TP53BP2: variants seen among roughly 807,000 people sequenced by gnomAD.
TP53BP2 encodes the protein tumor protein p53 binding protein 2, also known as apoptosis-stimulating of p53 protein 2.
TP53BP2 carries 62 observed loss-of-function variants against 126.2 expected under a neutral mutation model. The observed-to-expected ratio is 0.49, with a 90% CI of 0.40 to 0.61. The LOEUF is 0.61. Among genes scored for constraint, TP53BP2 ranks in the 20% least tolerant of loss-of-function variants. The pLI is 0.00. For missense variants in TP53BP2, 1,215 were observed against 1,402.8 expected, an observed-to-expected ratio of 0.87 and a Z score of 2.14; for synonymous variants, 485 against 502.9, an observed-to-expected ratio of 0.96 and a Z score of 0.48.
chr1:223,794,548 G>A (rs1662256283), intron 13 of TP53BP2, among the ~76,000 whole-genome samples: 1 of 152,326 alleles, frequency 6.6e-6, no homozygotes, highest in South Asian at 2.1e-4. Context: ...TAAAAAGAAA[G>A]TATAATACTT....
chr1:223,845,639 C>T lies in TP53BP2; in HGVS notation c.27+15G>A. The T allele has an allele frequency of 1.3e-6, 2 of 1,551,268 alleles. No individual in the cohort carries two copies. Among genetic ancestry groups the T allele is most frequent in the Middle Eastern group, 1.7e-4 (1 of 5,874 alleles). On this transcript the variant is annotated intron_variant, in intron 1 of 17. Coordinates refer to ENST00000343537, the MANE Select transcript of TP53BP2 (RefSeq NM_001031685.3). ...ACACTTCCGGGCCCGACGCCCTGGC[C>T]GCTCGCCCACTTACCGGCATCATCT...
At chr1:223,785,666 C>T (rs6694214) in intron 16 of TP53BP2, among the ~76,000 whole-genome samples, 16,377 of 152,196 alleles carry the variant, frequency 0.11, 1,093 homozygotes, top group East Asian at 0.2. Context: ...GGATTACAGG[C>T]ATGAGCCACT....
In TP53BP2 at chr1:223,802,886, T is replaced by C. The variant is rs761177045; in HGVS notation, c.841A>G (p.Lys281Glu). 4 of 1,614,012 alleles carry C rather than the reference T, an allele frequency of 2.5e-6. No individual in the cohort carries two copies. Among genetic ancestry groups the C allele is most frequent in the Non-Finnish European group, 2.5e-6 (3 of 1,180,034 alleles). Residue 281 changes from lysine to glutamate, a missense_variant, in exon 8 of 18, where the codon AAA (lysine) becomes GAA (glutamate). By Grantham distance (56) the Lys-to-Glu change is moderately conservative. Around this residue, in one of 4 missense-constraint regions of TP53BP2, gnomAD observed 814 missense variants for 853.0 expected, o/e 0.95. Transcript: ENST00000343537. ...RLYKELQLRN[K>E]LNQEQNAKLQ... ...TTGGCATTCTGCTCTTGATTCAATT[T>C]GTTTCTTAGCTGAATAAAAGAGAGG...
At chr1:223,844,672 A>T (rs1160146699) in intron 1 of TP53BP2, among the ~76,000 whole-genome samples, 1 of 152,182 alleles carries the variant, frequency 6.6e-6, no homozygotes, top group Admixed American at 6.5e-5. Flanking sequence ...ACCCAGTGAG[A>T]GTTTGGGACG....
In TP53BP2 at chr1:223,814,441, C is replaced by G. The variant is rs917164813; in HGVS notation, c.176-88G>C. ...CCATCTATCCTTCATGCAAATTATA[C>G]ATTATGGATACAACAAATGCTTAGT... On this transcript the variant is annotated intron_variant, in intron 2 of 17. Coordinates refer to ENST00000343537, the MANE Select transcript of TP53BP2 (RefSeq NM_001031685.3). 9 of 946,472 alleles carry G rather than the reference C, an allele frequency of 9.5e-6. No homozygotes were observed. In the African/African-American group the frequency reaches 1.5e-4, roughly 15 times the overall value. The allele number at this position is 946,472 out of a possible 1,614,324, so 58.6% of individuals were successfully genotyped here.
Position 223,795,937 on chromosome 1 carries a change from A to G in TP53BP2, c.2602T>C (p.Tyr868His), listed in dbSNP as rs1336482854. The G allele has an allele frequency of 6.2e-7, 1 of 1,614,096 alleles. No individual in the cohort carries two copies. The change falls in exon 13 of 18, where the codon TAC becomes CAC. Residue 868 changes from tyrosine (Y) to histidine (H), a missense_variant. Tyr to His is a moderately conservative substitution (Grantham distance 83). Coordinates refer to ENST00000343537, the MANE Select transcript of TP53BP2 (RefSeq NM_001031685.3). ...GGGTATGGAGGGTACTCCTCCAGGTACACATCAAGCACATGTGGAGCCTCT... is the reference window on the plus strand; with the variant it reads ...GGGTATGGAGGGTACTCCTCCAGGTGCACATCAAGCACATGTGGAGCCTCT... ...NPEAPHVLDV[Y>H]LEEYPPYPPP...
rs1430409626 is a variant in TP53BP2, at chr1:223,796,909, G to T, written c.1949-319C>A. Among the ~76,000 whole-genome samples, 1 of 152,124 alleles carries T rather than the reference G, an allele frequency of 6.6e-6. No individual in the cohort carries two copies. The highest frequency in any genetic ancestry group is 1.5e-5 in the Non-Finnish European group (1 of 68,004). ...AATAACAAAATGTGAAAAACATTTA[G>T]ATGCAATGAAAACAGATAATCCTCA... is the stretch of plus-strand genomic sequence containing the variant. On this transcript the variant is annotated intron_variant, in intron 12 of 17. Coordinates refer to ENST00000343537, the MANE Select transcript of TP53BP2 (RefSeq NM_001031685.3). This position sits in a 1 kb window ranked among gnomAD's most constrained non-coding sequence, Gnocchi z 4.2.
chr1:223,802,641 T>G, intron 8 of TP53BP2, 90 bp downstream of exon 8: 1 of 1,443,518 alleles, frequency 6.9e-7, no homozygotes, highest in South Asian at 1.3e-5. Flanking sequence ...CACTGAGTAA[T>G]GATTCTGAAG....
chr1:223,821,523 G>C (rs1663309001), intron 1 of TP53BP2, 156 bp from the exon 2 acceptor site: 2 of 973,036 alleles, frequency 2.1e-6, no homozygotes, highest in Non-Finnish European at 3.3e-6. Context: ...GTGTGGACTG[G>C]GGGTTGAGGG....
At chr1:223,791,684 T>C (rs1662160953) in intron 15 of TP53BP2, among the ~76,000 whole-genome samples, 3 of 152,196 alleles carry the variant, frequency 2.0e-5, no homozygotes. Context: ...GGAGTAAATA[T>C]AGTGTGATTA....
chr1:223,803,838 CTCAG>C (rs1167568508), intron 6 of TP53BP2, among the ~76,000 whole-genome samples: 3 of 152,110 alleles, frequency 2.0e-5, no homozygotes, highest in South Asian at 2.1e-4. Flanking sequence ...TCATCAAATT[CTCAG>C]TCAAAAAATA....
Position 223,845,761 on chromosome 1 carries a change from G to A in TP53BP2, c.-81C>T. The A allele has an allele frequency of 1.4e-6, 2 of 1,380,060 alleles. No individual in the cohort carries two copies. Among genetic ancestry groups the A allele is most frequent in the South Asian group, 1.5e-5 (1 of 64,696 alleles). 85.5% of individuals were successfully genotyped at this position (1,380,060 alleles called of 1,614,324 possible). On this transcript the variant is annotated 5_prime_UTR_variant, in exon 1 of 18. Transcript: ENST00000343537. ...CGGATGCGGGGGAGGGGAGCGGAGA[G>A]CGAGGCCGCCCGGACCTGTTGCGAG...
intron 1 of TP53BP2, among the ~76,000 whole-genome samples, chr1:223,839,012 CTTTT>C (rs75469632): frequency 5.0e-5 from 7 of 140,730 alleles, no homozygotes; most frequent in Non-Finnish European, 1.1e-4. Flanking sequence ...CCATTTTTTT[CTTTT>C]TTTTTTTTTT....
In TP53BP2 at chr1:223,795,825, G is replaced by C; in HGVS notation, c.2714C>G (p.Ser905Cys). The C allele has an allele frequency of 6.5e-7, 1 of 1,539,006 alleles. No individual in the cohort carries two copies. The highest frequency in any genetic ancestry group is 1.3e-5 in the South Asian group (1 of 79,382). The part of the protein sequence containing the change: ...MRPPEITGQV[S>C]LPPGKRTNLR... ...TAGTACATTACTTACAGGAGGCAGA[G>C]AGACCTGCCCGGTGATTTCAGGCGG... The change falls in exon 13 of 18, where the codon TCT becomes TGT. Residue 905 changes from serine (S) to cysteine (C), a missense_variant. Transcript: ENST00000343537.
At position 223,802,967 on chromosome 1, in the gene TP53BP2, G is replaced by GT. The variant is rs1662581031; in HGVS notation, c.832-73dup. ...AATGTCTCAAACAGTTAATCACATG[G>GT]TTAACTATTATATAATTTCTAAAAA... On this transcript the variant is annotated intron_variant, in intron 7 of 17. Transcript: ENST00000343537. 7 of 1,478,458 alleles carry GT rather than the reference G, an allele frequency of 4.7e-6. No individual in the cohort carries two copies. In the South Asian group the frequency reaches 8.2e-5, roughly 17 times the overall value. The allele number at this position is 1,478,458 out of a possible 1,614,324, so 91.6% of individuals were successfully genotyped here.
At chr1:223,831,738 A>G (rs1489038827) in intron 1 of TP53BP2, among the ~76,000 whole-genome samples, 1 of 148,718 alleles carries the variant, frequency 6.7e-6, no homozygotes, top group Non-Finnish European at 1.5e-5. Flanking sequence ...CTATCTCAAG[A>G]GAAGGAAAGT....
rs199997960 is a variant in TP53BP2, at chr1:223,798,493, G to A, written c.1670C>T (p.Pro557Leu). 93 of 1,614,168 alleles carry A rather than the reference G, an allele frequency of 5.8e-5. No individual in the cohort carries two copies. Among genetic ancestry groups the A allele is most frequent in the Admixed American group, 4.7e-4 (28 of 60,016 alleles). ...GTKPKPAGQQ[P>L]RVLLSPSIPS... The stretch of plus-strand genomic sequence containing the variant: ...TATGCTGGGAGATAGCAGCACTCTC[G>A]GCTGCTGCCCTGCTGGTTTTGGTTT... The change falls in exon 12 of 18, where the codon CCG becomes CTG. Residue 557 changes from proline to leucine, a missense_variant. By Grantham distance (98) the Pro-to-Leu change is moderately conservative (BLOSUM62 -3). Transcript: ENST00000343537.
At chr1:223,845,612 G>A (rs1358385071) in intron 1 of TP53BP2, 42 bp downstream of exon 1, 6 of 1,532,168 alleles carry the variant, frequency 3.9e-6, no homozygotes, top group South Asian at 1.2e-5. Flanking sequence ...ACGCGACCCC[G>A]CACACTTCCG....
At chr1:223,784,452 A>G in intron 16 of TP53BP2, 138 bp from the exon 17 acceptor site, 1 of 752,972 alleles carries the variant, frequency 1.3e-6, no homozygotes. Flanking sequence ...TATACAATAA[A>G]ATGTCCTGAG....
Sources: gnomAD v4.1 joint callset for allele counts (sites outside exome capture counted in the v4.1 genomes callset) on GRCh38, gnomAD v4.1.1 for gene constraint, gnomAD v4.1.1 regional missense constraint, Gnocchi (gnomAD v3.1) non-coding constraint, MANE v1.5 for transcripts, NCBI Gene and HGNC (gene_info 2026-07-23, HGNC 2026-07-21) for gene names.